CCDC171: variants seen among roughly 807,000 people sequenced by gnomAD.
The protein encoded by CCDC171 is coiled-coil domain containing 171.
Under a neutral mutation model 168.2 loss-of-function variants are expected in CCDC171, and 177 were observed. The observed-to-expected ratio is 1.05, with a 90% CI of 0.93 to 1.19. CCDC171 has a LOEUF of 1.19. CCDC171 is among the 50% of genes most tolerant of loss of function. The pLI, the probability that CCDC171 is intolerant of heterozygous loss-of-function variation, is 0.00. For synonymous variants in CCDC171, 687 were observed against 540.8 expected, an observed-to-expected ratio of 1.27 and a Z score of -3.75; for missense variants, 1,991 against 1,539.0, an observed-to-expected ratio of 1.29 and a Z score of -4.91.
At chr9:16,004,186 C>T (rs1832635356) in intron 3 of CCDC171, among the ~76,000 whole-genome samples, 1 of 150,968 alleles carries the variant, frequency 6.6e-6, no homozygotes, top group African/African-American at 2.4e-5. Flanking sequence ...TGCCTTTCAA[C>T]ACTGCACATT....
At chr9:16,104,204 C>G in the CCDC171 span, among the ~76,000 whole-genome samples, 1 of 152,118 alleles carries the variant, frequency 6.6e-6, no homozygotes, top group African/African-American at 2.4e-5. Flanking sequence ...CTACAGTCCT[C>G]TCAGAAAAGC....
intron 3 of CCDC171, among the ~76,000 whole-genome samples, chr9:15,990,492 C>T (rs942409395): frequency 2.0e-5 from 3 of 152,218 alleles, no homozygotes; most frequent in Admixed American, 6.5e-5. Flanking sequence ...TAAAGACCAT[C>T]GATGCTAGGA....
chr9:15,734,606 G>T (rs1007065501), intron 16 of CCDC171, among the ~76,000 whole-genome samples: 2 of 151,878 alleles, frequency 1.3e-5, no homozygotes, highest in African/African-American at 4.8e-5. Flanking sequence ...GTACATATTT[G>T]CTTTTTTATC....
intron 23 of CCDC171, among the ~76,000 whole-genome samples, chr9:15,849,922 A>G (rs1158938484): frequency 1.3e-5 from 2 of 151,832 alleles, no homozygotes; most frequent in Non-Finnish European, 2.9e-5. Flanking sequence ...AGTGACCAGC[A>G]TTATTTCATG....
At chr9:15,944,836 T>TCTTTCTTTCTTTCTTTCTTTCTTTC (rs57665767) in intron 25 of CCDC171, among the ~76,000 whole-genome samples, 9 of 129,852 alleles carry the variant, frequency 6.9e-5, no homozygotes, top group East Asian at 2.4e-4. Context: ...TTTCTTTCTT[T>TCTTTCTTTCTTTCTTTCTTTCTTTC]TTTCTTTCTT....
chr9:15,628,036 C>A (rs1435903047), intron 7 of CCDC171, among the ~76,000 whole-genome samples: 1 of 152,098 alleles, frequency 6.6e-6, no homozygotes, highest in East Asian at 1.9e-4. Context: ...AAAGGTTTCA[C>A]TGGGGAGGGA....
intron 24 of CCDC171, among the ~76,000 whole-genome samples, chr9:15,910,085 A>G (rs1233039764): frequency 1.3e-5 from 2 of 152,166 alleles, no homozygotes; most frequent in Non-Finnish European, 2.9e-5. Context: ...TATTTCACTT[A>G]TAATGGCCTT....
intron 18 of CCDC171, among the ~76,000 whole-genome samples, chr9:15,774,931 C>A (rs1266192007): frequency 6.6e-6 from 1 of 152,202 alleles, no homozygotes; most frequent in Non-Finnish European, 1.5e-5. Context: ...AAGAATGATA[C>A]ATTGTACTTT....
intron 11 of CCDC171, among the ~76,000 whole-genome samples, chr9:15,696,009 G>A (rs914609818): frequency 5.9e-5 from 9 of 152,132 alleles, no homozygotes; most frequent in African/African-American, 9.7e-5. Flanking sequence ...GTTATTATGT[G>A]TGCTATAGTA....
At chr9:15,644,539 C>T (rs1473375403) in intron 7 of CCDC171, among the ~76,000 whole-genome samples, 4 of 152,182 alleles carry the variant, frequency 2.6e-5, no homozygotes, top group Non-Finnish European at 2.9e-5. Flanking sequence ...GGGTCACTCC[C>T]ACCCTAATAC....
the CCDC171 span, among the ~76,000 whole-genome samples, chr9:16,074,006 A>G: frequency 6.6e-6 from 1 of 152,134 alleles, no homozygotes; most frequent in South Asian, 2.1e-4. Flanking sequence ...CAATCTAGCC[A>G]CAGTGCAAAC....
chr9:15,737,364 C>G (rs79685515), intron 16 of CCDC171, among the ~76,000 whole-genome samples: 6,963 of 152,040 alleles, frequency 0.046, 346 homozygotes, highest in South Asian at 0.12. Context: ...CAAAAGAATG[C>G]TATACATTTA....
At chr9:15,649,092 C>T (rs1343808886) in intron 7 of CCDC171, among the ~76,000 whole-genome samples, 2 of 152,210 alleles carry the variant, frequency 1.3e-5, no homozygotes, top group African/African-American at 4.8e-5. Flanking sequence ...GAAGTAATAC[C>T]ACACACCTAC....
chr9:15,577,111 C>A (rs1305782104), intron 3 of CCDC171, among the ~76,000 whole-genome samples: 1 of 152,174 alleles, frequency 6.6e-6, no homozygotes, highest in Non-Finnish European at 1.5e-5. Flanking sequence ...ACAGAAGAAA[C>A]CTGGTGAAAC....
intron 25 of CCDC171, among the ~76,000 whole-genome samples, chr9:15,935,752 T>C (rs537798818): frequency 6.6e-6 from 1 of 152,064 alleles, no homozygotes; most frequent in Non-Finnish European, 1.5e-5. Flanking sequence ...CTTAATATGT[T>C]AGGAATGTGA....
chr9:15,801,977 C>T (rs1003236507), intron 21 of CCDC171, among the ~76,000 whole-genome samples: 6 of 152,022 alleles, frequency 3.9e-5, no homozygotes, highest in Non-Finnish European at 5.9e-5. Context: ...CCCACTTGGT[C>T]ATGTTGAATG....
chr9:15,909,925 A>G (rs980584073), intron 24 of CCDC171, among the ~76,000 whole-genome samples: 2 of 152,130 alleles, frequency 1.3e-5, no homozygotes, highest in African/African-American at 4.8e-5. Flanking sequence ...TATATCCATT[A>G]TGTGAGTAGT....
Position 15,591,366 on chromosome 9 carries a change from C to G in CCDC171, c.353C>G (p.Ala118Gly). Reference sequence around the variant, plus strand: ...GTACCTATTATTCTATTCTTAATAGCACAGAATTCAGAACTTCAAGCAAAG... The same window carrying G: ...GTACCTATTATTCTATTCTTAATAGGACAGAATTCAGAACTTCAAGCAAAG... ...EAHRIQEKLC[A>G]QNSELQAKTN... The change falls in exon 5 of 26, where the codon GCA (alanine) becomes GGA (glycine). Residue 118 changes from alanine (A) to glycine (G), a missense_variant and splice_region_variant. By Grantham distance (60) the Ala-to-Gly change is moderately conservative. Coordinates refer to ENST00000380701, the MANE Select transcript of CCDC171 (RefSeq NM_173550.4). The G allele has an allele frequency of 1.3e-6, 2 of 1,570,376 alleles. No individual in the cohort carries two copies. Among genetic ancestry groups the G allele is most frequent in the East Asian group, 4.5e-5 (2 of 44,370 alleles).
intron 1 of CCDC171, among the ~76,000 whole-genome samples, chr9:15,554,880 A>G (rs1024649930): frequency 2.0e-4 from 30 of 152,256 alleles, no homozygotes; most frequent in African/African-American, 6.0e-4. Flanking sequence ...AATCTCATAG[A>G]GATGTTGGGA....
Sources: gnomAD v4.1 joint callset for allele counts (sites outside exome capture counted in the v4.1 genomes callset) on GRCh38, gnomAD v4.1.1 for gene constraint, MANE v1.5 for transcripts, NCBI Gene and HGNC (gene_info 2026-07-23, HGNC 2026-07-21) for gene names.